Variants in KIF13A observed in about 807,000 individuals in gnomAD.
KIF13A encodes kinesin-like protein KIF13A.
A neutral mutation model predicts 212.2 loss-of-function variants in KIF13A; 79 were observed. The observed-to-expected ratio is 0.37, with a 90% CI of 0.31 to 0.45. The LOEUF (loss-of-function observed/expected upper bound fraction) is 0.45, where lower values mean the gene tolerates loss of function less well. KIF13A is among the 20% of genes least tolerant of loss of function. KIF13A has a pLI of 1.00. For synonymous variants in KIF13A, 789 were observed against 808.6 expected (o/e 0.98, Z 0.41); for missense variants, 1,901 against 2,209.0 (o/e 0.86, Z 2.79).
intron 2 of KIF13A, among the ~76,000 whole-genome samples, chr6:17,921,656 T>A (rs971516438): frequency 6.6e-5 from 10 of 152,098 alleles, no homozygotes; most frequent in African/African-American, 2.2e-4. Context: ...CATCTGCCAA[T>A]AACTGATGAG....
intron 16 of KIF13A, chr6:17,822,043 CTT>C (rs565299308): frequency 3.2e-3 from 1,881 of 581,618 alleles, no homozygotes; most frequent in East Asian, 4.5e-3. Context: ...AACATAACTT[CTT>C]TTTTTTTTTT....
At position 17,883,950 on chromosome 6, in the gene KIF13A, C is replaced by G. The variant is rs1771311911; in HGVS notation, c.160-10513G>C. On this transcript the variant is annotated intron_variant, in intron 3 of 38. Coordinates refer to ENST00000259711, the MANE Select transcript of KIF13A (RefSeq NM_022113.6). This position sits in a 1 kb window ranked among gnomAD's most constrained non-coding sequence, Gnocchi z 4.8. ...TGCTAAAAGGAAATAATAATATTAACAAAAAAAGAGAAGGAAATCATAATA... is the reference window on the plus strand; with the variant it reads ...TGCTAAAAGGAAATAATAATATTAAGAAAAAAAGAGAAGGAAATCATAATA... Among the ~76,000 whole-genome samples the G allele has an allele frequency of 6.6e-6, 1 of 151,578 alleles. No homozygotes were observed. Among genetic ancestry groups the G allele is most frequent in the African/African-American group, 2.4e-5 (1 of 41,264 alleles).
intron 3 of KIF13A, among the ~76,000 whole-genome samples, chr6:17,887,131 T>C (rs1250869881): frequency 2.6e-5 from 4 of 151,768 alleles, no homozygotes; most frequent in South Asian, 2.1e-4. Context: ...AAGTGACATA[T>C]GCCAGTCTGG....
Position 17,804,518 on chromosome 6 carries a change from G to A in KIF13A, c.2305-8C>T, listed in dbSNP as rs908428358. The A allele has an allele frequency of 1.9e-6, 3 of 1,585,982 alleles. No individual in the cohort carries two copies. Among genetic ancestry groups the A allele is most frequent in the African/African-American group, 1.3e-5 (1 of 74,326 alleles). The stretch of plus-strand genomic sequence containing the variant: ...TCCGTAGAGTCTCTTTGCCTGAGAA[G>A]TAGGAGGGGCCAGTGAGTGGACGAA... On this transcript the variant is annotated splice_polypyrimidine_tract_variant and splice_region_variant and intron_variant, in intron 19 of 38. Coordinates refer to ENST00000259711, the MANE Select transcript of KIF13A (RefSeq NM_022113.6).
intron 35 of KIF13A, among the ~76,000 whole-genome samples, chr6:17,774,437 G>A (rs144135541): frequency 1.3e-5 from 2 of 152,196 alleles, no homozygotes; most frequent in African/African-American, 2.4e-5. Context: ...GTACTGTCCT[G>A]GTATGGAACC....
Position 17,785,539 on chromosome 6 carries a change from C to A in KIF13A, c.3464G>T (p.Gly1155Val). The change falls in exon 28 of 39, where the codon GGG (glycine) becomes GTG (valine). Residue 1155 changes from glycine (G) to valine (V), a missense_variant. Transcript: ENST00000259711. This position sits in a 1 kb window ranked among gnomAD's most constrained non-coding sequence, Gnocchi z 5.8. ...NAVLVPAPGS[G>V]IPGAPADWIP... Reference sequence around the variant, plus strand: ...CCAGTCGGCAGGTGCCCCAGGAATCCCACTGCCTGGGGCTGGCACCAGCAC... The same window carrying A: ...CCAGTCGGCAGGTGCCCCAGGAATCACACTGCCTGGGGCTGGCACCAGCAC... 1 of 1,588,772 alleles carries A rather than the reference C, an allele frequency of 6.3e-7. No homozygotes were observed. The highest frequency in any genetic ancestry group is 8.6e-7 in the Non-Finnish European group (1 of 1,169,022).
chr6:17,935,544 T>C (rs866958617), intron 2 of KIF13A, among the ~76,000 whole-genome samples: 1 of 152,196 alleles, frequency 6.6e-6, no homozygotes. Context: ...CTCTAACATG[T>C]AGCCAGTGTT....
intron 16 of KIF13A, among the ~76,000 whole-genome samples, chr6:17,824,129 A>G (rs1385397490): frequency 6.6e-6 from 1 of 151,590 alleles, no homozygotes; most frequent in East Asian, 2.0e-4. Flanking sequence ...GCTAGTCTCA[A>G]ACTCCTGACC....
In KIF13A at chr6:17,799,988, C is replaced by T. The variant is rs748014960; in HGVS notation, c.2580G>A (p.Gly860=). The change falls in exon 21 of 39, where the codon GGG becomes GGA. Residue 860 remains glycine, a synonymous_variant. Coordinates refer to ENST00000259711, the MANE Select transcript of KIF13A (RefSeq NM_022113.6). The surrounding 1 kb of genome is among the most constrained non-coding windows in gnomAD (Gnocchi z 4.4). ...GCTTTTTGACTCGGTGAATGATTTC[C>T]CCGCTGCTGTCTACGACTTCAAGGC... The part of the protein sequence containing the change: ...SGSLEVVDSS[G]EIIHRVKKLT... 15 of 1,613,782 alleles carry T rather than the reference C, an allele frequency of 9.3e-6. No individual in the cohort carries two copies. In the East Asian group the frequency reaches 3.1e-4, roughly 34 times the overall value.
intron 2 of KIF13A, chr6:17,950,849 A>G: frequency 7.1e-6 from 7 of 981,596 alleles, no homozygotes; most frequent in Non-Finnish European, 8.5e-6. Context: ...CTCAAAAAAT[A>G]CAACACTATT....
At chr6:17,765,563 C>T (rs1042301605) in intron 38 of KIF13A, among the ~76,000 whole-genome samples, 2 of 152,130 alleles carry the variant, frequency 1.3e-5, no homozygotes, top group East Asian at 1.9e-4. Flanking sequence ...CTGACAATTA[C>T]GGTCTTCTAG....
At position 17,826,255 on chromosome 6, in the gene KIF13A, G is replaced by A; in HGVS notation, c.1533-131C>T. The A allele has an allele frequency of 1.5e-6, 1 of 671,042 alleles. No homozygotes were observed. Among genetic ancestry groups the A allele is most frequent in the Non-Finnish European group, 2.6e-6 (1 of 386,766 alleles). The allele number at this position is 671,042 out of a possible 1,614,324, so 41.6% of individuals were successfully genotyped here. ...CCAACTAACGCTTAAAGAAGGAAGAGCAGAATGTGTAACCACTATGAAAAC... is the reference window on the plus strand; with the variant it reads ...CCAACTAACGCTTAAAGAAGGAAGAACAGAATGTGTAACCACTATGAAAAC... On this transcript the variant is annotated intron_variant, in intron 14 of 38. Transcript: ENST00000259711. This position sits in a 1 kb window ranked among gnomAD's most constrained non-coding sequence, Gnocchi z 4.7.
At chr6:17,762,714 A>C (rs1315141052), downstream of KIF13A, among the ~76,000 whole-genome samples, 1 of 152,174 alleles carries the variant, frequency 6.6e-6, no homozygotes, top group African/African-American at 2.4e-5. Context: ...AAAGTTGAAG[A>C]CCTAAACAAA....
intron 2 of KIF13A, among the ~76,000 whole-genome samples, chr6:17,965,984 A>T (rs2150597167): frequency 6.6e-6 from 1 of 152,364 alleles, no homozygotes; most frequent in South Asian, 2.1e-4. Flanking sequence ...ACTTGAGGTC[A>T]GGAGTTTGAG....
intron 9 of KIF13A, among the ~76,000 whole-genome samples, chr6:17,841,018 C>T (rs1235308260): frequency 6.6e-6 from 1 of 151,940 alleles, no homozygotes; most frequent in Non-Finnish European, 1.5e-5. Context: ...ATTCACCATA[C>T]TTTTCCTGGT....
rs551241798 is a variant in KIF13A at position 17,805,829 on chromosome 6, C to G, written c.2164-214G>C. ...TTTTAATTTTTATCACGATCAAGAC[C>G]AAACAAAAGTATAACTTCATACCCC... On this transcript the variant is annotated intron_variant, in intron 18 of 38. Transcript: ENST00000259711. Among the ~76,000 whole-genome samples the G allele has an allele frequency of 2.0e-5, 3 of 152,092 alleles. No individual in the cohort carries two copies. In the East Asian group the frequency reaches 5.8e-4, roughly 29 times the overall value.
intron 9 of KIF13A, among the ~76,000 whole-genome samples, chr6:17,847,284 A>G (rs959426536): frequency 6.6e-6 from 1 of 152,064 alleles, no homozygotes; most frequent in East Asian, 1.9e-4. Flanking sequence ...CTGCCTCCCC[A>G]TCCTGGTTTC....
At chr6:17,942,935 T>G (rs1777076313) in intron 2 of KIF13A, among the ~76,000 whole-genome samples, 1 of 151,920 alleles carries the variant, frequency 6.6e-6, no homozygotes, top group African/African-American at 2.4e-5. Context: ...GCCAAGATTG[T>G]GCCACTACAC....
chr6:17,809,073 T>G lies in KIF13A; in HGVS notation c.2001-143A>C. On this transcript the variant is annotated intron_variant, in intron 17 of 38. Coordinates refer to ENST00000259711, the MANE Select transcript of KIF13A (RefSeq NM_022113.6). The surrounding 1 kb of genome is among the most constrained non-coding windows in gnomAD (Gnocchi z 4.7). ...TATTTTACCAGACTACCTCTCATCC[T>G]TCCCTCCTGCCCACAGATGGGCTAT... The G allele has an allele frequency of 2.6e-6, 2 of 758,150 alleles. No individual in the cohort carries two copies. The highest frequency in any genetic ancestry group is 4.1e-6 in the Non-Finnish European group (2 of 490,458). The allele number at this position is 758,150 out of a possible 1,614,324, so 47.0% of individuals were successfully genotyped here.
Sources: allele counts gnomAD v4.1 joint callset (sites outside exome capture counted in the v4.1 genomes callset), GRCh38; gene constraint gnomAD v4.1.1; non-coding constraint Gnocchi (gnomAD v3.1); transcripts MANE v1.5; gene names NCBI Gene and HGNC (gene_info 2026-07-23, HGNC 2026-07-21).